The following SETDB1 variants were observed in gnomAD, a reference collection of about 807,000 sequenced individuals.
The protein encoded by SETDB1 is histone-lysine N-methyltransferase SETDB1.
A neutral mutation model predicts 137.4 loss-of-function variants in SETDB1; 31 were observed. That is an observed-to-expected ratio of 0.23 (90% CI 0.17 to 0.30). The LOEUF is 0.30. Ranked by LOEUF, SETDB1 falls within the 10% of genes least tolerant of loss-of-function variation. SETDB1 has a pLI of 1.00. For synonymous variants in SETDB1, 548 were observed against 579.9 expected, an observed-to-expected ratio of 0.95 and a Z score of 0.79; for missense variants, 1,113 against 1,631.5, an observed-to-expected ratio of 0.68 and a Z score of 5.47.
At chr1:150,961,267 T>G (rs1670810543) in intron 16 of SETDB1, 76 bp downstream of exon 16, 1 of 1,412,410 alleles carries the variant, frequency 7.1e-7, no homozygotes, top group Non-Finnish European at 9.8e-7. Flanking sequence ...ACCATGAGTC[T>G]TTGCATGTAG....
intron 15 of SETDB1, 44 bp from the exon 16 acceptor site, chr1:150,960,519 G>A: frequency 5.9e-6 from 8 of 1,366,178 alleles, no homozygotes; most frequent in East Asian, 2.6e-5. Flanking sequence ...AAAACTAATA[G>A]GTCCCCATAA....
chr1:150,928,090 C>T, intron 2 of SETDB1, 116 bp downstream of exon 2: 1 of 1,236,026 alleles, frequency 8.1e-7, no homozygotes, highest in South Asian at 1.4e-5. Context: ...CGGAGTCTCG[C>T]TCTGTCACCC....
In SETDB1 at chr1:150,927,889, A is replaced by C. The variant is rs1034542877; in HGVS notation, c.175A>C (p.Lys59Gln). ...GATGGATTGTGTACAGCAACGCAAGAAGCAGCTAGCAGAGTTAGAGACATG... is the reference window on the plus strand; with the variant it reads ...GATGGATTGTGTACAGCAACGCAAGCAGCAGCTAGCAGAGTTAGAGACATG... ...EKMDCVQQRK[K>Q]QLAELETWVI... The change falls in exon 2 of 22, where the codon AAG becomes CAG. Residue 59 changes from lysine to glutamine, a missense_variant. This residue lies in a region of SETDB1 where 159 missense variants were observed against 188.6 expected (regional missense o/e 0.84). Coordinates refer to ENST00000692827, the MANE Select transcript of SETDB1 (RefSeq NM_001366418.1). The C allele has an allele frequency of 1.9e-6, 3 of 1,614,112 alleles. No homozygotes were observed. Among genetic ancestry groups the C allele is most frequent in the Non-Finnish European group, 1.7e-6 (2 of 1,180,058 alleles).
At chr1:150,955,341 T>G (rs895095125) in intron 14 of SETDB1, among the ~76,000 whole-genome samples, 1 of 152,240 alleles carries the variant, frequency 6.6e-6, no homozygotes, top group African/African-American at 2.4e-5. Context: ...CTCTGCTGTT[T>G]GGATTTTATT....
intron 9 of SETDB1, among the ~76,000 whole-genome samples, chr1:150,946,604 A>T (rs1670339159): frequency 6.6e-6 from 1 of 151,984 alleles, no homozygotes; most frequent in African/African-American, 2.4e-5. Context: ...ATGCGCCACC[A>T]CACCCGGCTA....
chr1:150,952,709 G>A (rs1302784254), intron 14 of SETDB1, among the ~76,000 whole-genome samples: 9 of 151,304 alleles, frequency 5.9e-5, no homozygotes, highest in African/African-American at 1.7e-4. Flanking sequence ...GAGAAATCCC[G>A]TCTCTACTAA....
At chr1:150,949,007 C>T in intron 10 of SETDB1, 115 bp from the exon 11 acceptor site, 2 of 1,090,622 alleles carry the variant, frequency 1.8e-6, no homozygotes, top group Non-Finnish European at 2.7e-6. Context: ...GCAAGAGCCA[C>T]TGCGCCCAGC....
At chr1:150,928,598 G>T (rs1669615499) in intron 2 of SETDB1, among the ~76,000 whole-genome samples, 1 of 152,166 alleles carries the variant, frequency 6.6e-6, no homozygotes, top group Non-Finnish European at 1.5e-5. Context: ...TGCTCTAGTT[G>T]TCACTTAGAA....
intron 16 of SETDB1, 87 bp downstream of exon 16, chr1:150,961,278 AT>A: frequency 7.6e-7 from 1 of 1,316,586 alleles, no homozygotes; most frequent in East Asian, 2.5e-5. Context: ...TTGCATGTAG[AT>A]TATTCTACTT....
chr1:150,933,147 C>T (rs1669816914), intron 3 of SETDB1, among the ~76,000 whole-genome samples: 1 of 152,064 alleles, frequency 6.6e-6, no homozygotes, highest in Admixed American at 6.6e-5. Flanking sequence ...GCAGCCTCAA[C>T]CTCCTGGGCT....
chr1:150,938,608 AT>A (rs1442282268), intron 3 of SETDB1, among the ~76,000 whole-genome samples: 1 of 150,986 alleles, frequency 6.6e-6, no homozygotes, highest in East Asian at 2.0e-4. Context: ...GGTTCAAGTG[AT>A]TCTCCTGCCT....
At position 150,960,856 on chromosome 1, in the gene SETDB1, C is replaced by T. The variant is rs1670794630; in HGVS notation, c.2797C>T (p.Arg933Trp). The T allele has an allele frequency of 1.9e-6, 3 of 1,605,470 alleles. No homozygotes were observed. The highest frequency in any genetic ancestry group is 1.1e-5 in the South Asian group (1 of 89,582). ...GAGCTATGCTACCCGGAGGCAGACC[C>T]GGGGCCAGAAAGAGAACGGACTCTC... The part of the protein sequence containing the change: ...WRSYATRRQT[R>W]GQKENGLSET... The change falls in exon 16 of 22, where the codon CGG becomes TGG. Residue 933 changes from arginine to tryptophan, a missense_variant. Arg to Trp is a moderately radical substitution (Grantham distance 101). This residue lies in a region of SETDB1 where 373 missense variants were observed against 412.7 expected (regional missense o/e 0.90). Transcript: ENST00000692827.
Position 150,959,111 on chromosome 1 carries a change from A to C in SETDB1, c.2334-67A>C. ...ATGATGATAGCTTAAGAATTATAATAGTTTTATGGATTTTTTTGTGCTCTA... is the reference window on the plus strand; with the variant it reads ...ATGATGATAGCTTAAGAATTATAATCGTTTTATGGATTTTTTTGTGCTCTA... On this transcript the variant is annotated intron_variant, in intron 14 of 21. Transcript: ENST00000692827. The C allele has an allele frequency of 2.7e-6, 3 of 1,114,830 alleles. No homozygotes were observed. In the South Asian group the frequency reaches 5.4e-5, roughly 20 times the overall value. 69.1% of individuals were successfully genotyped at this position (1,114,830 alleles called of 1,614,324 possible). A position where few individuals can be genotyped will look rare whatever the true frequency, so the allele number is the denominator to read the frequency against.
intron 9 of SETDB1, among the ~76,000 whole-genome samples, chr1:150,945,941 AT>A (rs1670310196): frequency 6.6e-6 from 1 of 151,674 alleles, no homozygotes. Flanking sequence ...ACCTCAAGTG[AT>A]CCACCTGCCT....
At chr1:150,951,318 T>C (rs1250013651) in intron 13 of SETDB1, 47 bp from the exon 14 acceptor site, 2 of 1,384,008 alleles carry the variant, frequency 1.4e-6, no homozygotes, top group South Asian at 1.2e-5. Context: ...GTTATTTTTG[T>C]TCTCTGATCC....
At chr1:150,960,184 G>T (rs1281944648) in intron 15 of SETDB1, among the ~76,000 whole-genome samples, 1 of 151,692 alleles carries the variant, frequency 6.6e-6, no homozygotes, top group African/African-American at 2.4e-5. Flanking sequence ...TTTCTAATAG[G>T]TCCCCGTGGC....
At chr1:150,933,984 T>C (rs1303181770) in intron 3 of SETDB1, among the ~76,000 whole-genome samples, 1 of 151,702 alleles carries the variant, frequency 6.6e-6, no homozygotes, top group Admixed American at 6.6e-5. Context: ...GGTTTCTCCA[T>C]GTTGGTCAGA....
intron 19 of SETDB1, 68 bp downstream of exon 19, chr1:150,963,207 A>T: frequency 2.1e-6 from 3 of 1,444,080 alleles, no homozygotes. Flanking sequence ...GCATTTTTTA[A>T]GGAAGCTAAA....
chr1:150,958,106 A>G (rs1670703693), intron 14 of SETDB1, among the ~76,000 whole-genome samples: 1 of 151,618 alleles, frequency 6.6e-6, no homozygotes, highest in South Asian at 2.1e-4. Context: ...GAATCACTTG[A>G]ACACGGGAGG....
Sources: allele counts gnomAD v4.1 joint callset (sites outside exome capture counted in the v4.1 genomes callset), GRCh38; gene constraint gnomAD v4.1.1; regional missense constraint gnomAD v4.1.1; transcripts MANE v1.5; gene names NCBI Gene and HGNC (gene_info 2026-07-23, HGNC 2026-07-21).